The following MAML3 variants were observed in gnomAD, a reference collection of about 807,000 sequenced individuals.
MAML3 encodes the protein mastermind-like protein 3.
A neutral mutation model predicts 101.9 loss-of-function variants in MAML3; 27 were observed. The ratio of observed to expected loss-of-function variants is 0.27; its 90% CI spans 0.20 to 0.37. The LOEUF (loss-of-function observed/expected upper bound fraction) is 0.37. Ranked by LOEUF, MAML3 falls within the 10% of genes least tolerant of loss-of-function variation. The probability of loss-of-function intolerance (pLI) is 1.00; values close to 1 mark genes in which losing one functional copy is unlikely to be tolerated. For synonymous variants in MAML3, 501 were observed against 555.9 expected (o/e 0.90, Z 1.39); for missense variants, 1,316 against 1,444.9 (o/e 0.91, Z 1.45).
rs759384475 is a variant in MAML3 at position 139,889,756 on chromosome 4, G to T, written c.1680C>A (p.Asn560Lys). ...QNPIVPPMAN[N>K]LQKTTMNNYL... ...AGTTATTCATTGTTGTCTTCTGCAG[G>T]TTGTTTGCCATTGGAGGCACTATAG... Residue 560 changes from asparagine (N) to lysine (K), a missense_variant, in exon 2 of 5, where the codon AAC (asparagine) becomes AAA (lysine). By Grantham distance (94) the Asn-to-Lys change is moderately conservative. Transcript: ENST00000509479. 6 of 1,614,058 alleles carry T rather than the reference G, an allele frequency of 3.7e-6. No individual in the cohort carries two copies. The highest frequency in any genetic ancestry group is 5.1e-6 in the Non-Finnish European group (6 of 1,179,904).
chr4:139,716,982 C>T lies in MAML3; in HGVS notation c.*2341G>A, dbSNP rs1727997570. The T allele has an allele frequency of 6.6e-6, 1 of 152,518 alleles. No individual in the cohort carries two copies. The highest frequency in any genetic ancestry group is 1.9e-4 in the East Asian group (1 of 5,194). 9.4% of individuals were successfully genotyped at this position (152,518 alleles called of 1,614,324 possible). A position where few individuals can be genotyped will look rare whatever the true frequency, so the allele number is the denominator to read the frequency against. On this transcript the variant is annotated 3_prime_UTR_variant, in exon 5 of 5. Coordinates refer to ENST00000509479, the MANE Select transcript of MAML3 (RefSeq NM_018717.5). ...AGATGTCATCTGAAGTGCAATACCACTGCTGTGATGATGAGTTAAGGAATG... is the reference window on the plus strand; with the variant it reads ...AGATGTCATCTGAAGTGCAATACCATTGCTGTGATGATGAGTTAAGGAATG...
rs1727990508 is a variant in MAML3, at chr4:139,716,849, TAAAAG to T, written c.*2469_*2473del. On this transcript the variant is annotated 3_prime_UTR_variant, in exon 5 of 5. Coordinates refer to ENST00000509479, the MANE Select transcript of MAML3 (RefSeq NM_018717.5). ...ACATTTCAGCGTTCTGTACATTTCT[TAAAAG>T]GAAATAAGCAATGCTCAATGTACAA... 1 of 152,570 alleles carries T rather than the reference TAAAAG, an allele frequency of 6.6e-6. No homozygotes were observed. Among genetic ancestry groups the T allele is most frequent in the South Asian group, 2.1e-4 (1 of 4,834 alleles). 9.5% of individuals were successfully genotyped at this position (152,570 alleles called of 1,614,324 possible).
chr4:140,150,313 C>T (rs759694485), intron 1 of MAML3, among the ~76,000 whole-genome samples: 1 of 152,154 alleles, frequency 6.6e-6, no homozygotes, highest in Non-Finnish European at 1.5e-5. Context: ...CTGTCTTCTT[C>T]CCAGTAAGGT....
At chr4:139,750,382 G>A (rs1160698258) in intron 2 of MAML3, among the ~76,000 whole-genome samples, 2 of 152,208 alleles carry the variant, frequency 1.3e-5, no homozygotes, top group South Asian at 2.1e-4. Flanking sequence ...TGGGTCGTGA[G>A]TCCTCCTTCT....
chr4:139,961,324 C>A (rs968420209), intron 1 of MAML3, among the ~76,000 whole-genome samples: 3 of 152,224 alleles, frequency 2.0e-5, no homozygotes, highest in Admixed American at 1.3e-4. Flanking sequence ...AAATAGAGAA[C>A]AAATTATTCC....
chr4:139,730,738 CT>C, intron 2 of MAML3, 71 bp from the exon 3 acceptor site: 1 of 1,428,932 alleles, frequency 7.0e-7, no homozygotes, highest in Non-Finnish European at 9.6e-7. Flanking sequence ...AGGGAAGCCC[CT>C]GGAAAAAGGG....
rs77306128 is a variant in MAML3, at chr4:140,025,987, C to T, written c.468+126873G>A. On this transcript the variant is annotated intron_variant, in intron 1 of 4. Coordinates refer to ENST00000509479, the MANE Select transcript of MAML3 (RefSeq NM_018717.5). ...TGATCACTGTGGCTATGTCATAATG[C>T]ACATCCTTGTCTTTTACTCATTGGG... Among the ~76,000 whole-genome samples the T allele has an allele frequency of 3.2e-3, 494 of 152,274 alleles. 2 individuals carry two copies. The highest frequency in any genetic ancestry group is 0.01 in the African/African-American group (416 of 41,552).
chr4:139,874,438 T>A (rs1310573458), intron 2 of MAML3, among the ~76,000 whole-genome samples: 1 of 152,166 alleles, frequency 6.6e-6, no homozygotes, highest in Non-Finnish European at 1.5e-5. Context: ...CAGTTGGCTT[T>A]TAAAAGAGAA....
chr4:140,101,587 C>T (rs572689088), intron 1 of MAML3, among the ~76,000 whole-genome samples: 39 of 152,174 alleles, frequency 2.6e-4, no homozygotes, highest in Non-Finnish European at 5.0e-4. Context: ...CTTTTACCAT[C>T]CACATCTCTT....
chr4:139,994,114 G>T lies in MAML3; in HGVS notation c.469-103147C>A, dbSNP rs72933763. 4.8e-3 allele frequency among the ~76,000 whole-genome samples: 726 copies of T among 152,128 alleles called. 6 individuals carry two copies. The highest frequency in any genetic ancestry group is 0.016 in the African/African-American group (670 of 41,490). On this transcript the variant is annotated intron_variant, in intron 1 of 4. Coordinates refer to ENST00000509479, the MANE Select transcript of MAML3 (RefSeq NM_018717.5). Reference sequence around the variant, plus strand: ...TAGTTTTCTCCATTGTATTGTCTTGGCATCTTTGCTGAAAACCAACTGACC... The same window carrying T: ...TAGTTTTCTCCATTGTATTGTCTTGTCATCTTTGCTGAAAACCAACTGACC...
chr4:140,051,969 A>G (rs1000720785), intron 1 of MAML3, among the ~76,000 whole-genome samples: 11 of 152,032 alleles, frequency 7.2e-5, no homozygotes, highest in African/African-American at 2.4e-4. Flanking sequence ...TCTTACTGAT[A>G]CCTCACCCCT....
chr4:139,848,032 C>T (rs1731479070), intron 2 of MAML3, among the ~76,000 whole-genome samples: 1 of 152,038 alleles, frequency 6.6e-6, no homozygotes, highest in African/African-American at 2.4e-5. Context: ...TGTAAGCGAC[C>T]CTGGGGTGTG....
intron 1 of MAML3, among the ~76,000 whole-genome samples, chr4:140,089,022 A>G (rs75794517): frequency 0.017 from 2,563 of 152,258 alleles, 66 homozygotes; most frequent in African/African-American, 0.056. Context: ...TAAAACATCA[A>G]TGACAAGGAA....
intron 2 of MAML3, among the ~76,000 whole-genome samples, chr4:139,873,216 C>T (rs1251133793): frequency 6.6e-6 from 1 of 152,186 alleles, no homozygotes; most frequent in African/African-American, 2.4e-5. Flanking sequence ...GCTTTGATAT[C>T]AGGTCCAGGA....
chr4:139,914,659 CAGCT>C (rs1732995746), intron 1 of MAML3, among the ~76,000 whole-genome samples: 1 of 152,156 alleles, frequency 6.6e-6, no homozygotes, highest in Non-Finnish European at 1.5e-5. Flanking sequence ...CCACAACAAA[CAGCT>C]AGAACTAAAT....
intron 2 of MAML3, among the ~76,000 whole-genome samples, chr4:139,751,834 G>T (rs759341229): frequency 6.6e-6 from 1 of 152,148 alleles, no homozygotes; most frequent in South Asian, 2.1e-4. Flanking sequence ...CCTCTAATCC[G>T]CAAAGTATCC....
chr4:140,038,709 A>G (rs1727029272), intron 1 of MAML3, among the ~76,000 whole-genome samples: 1 of 152,230 alleles, frequency 6.6e-6, no homozygotes, highest in Admixed American at 6.5e-5. Context: ...GACAATAATT[A>G]AGAGTTAGTC....
At chr4:139,881,343 CG>C (rs1198452254) in intron 2 of MAML3, among the ~76,000 whole-genome samples, 1 of 152,134 alleles carries the variant, frequency 6.6e-6, no homozygotes. Flanking sequence ...TAGTAAGACA[CG>C]CCCCTCAGCA....
chr4:140,055,823 T>G (rs1234587601), intron 1 of MAML3, among the ~76,000 whole-genome samples: 3 of 151,862 alleles, frequency 2.0e-5, no homozygotes, highest in African/African-American at 7.3e-5. Flanking sequence ...CTGAAGGATT[T>G]ACACTGGTCA....
Sources: allele counts gnomAD v4.1 joint callset (sites outside exome capture counted in the v4.1 genomes callset), GRCh38; gene constraint gnomAD v4.1.1; transcripts MANE v1.5; gene names NCBI Gene and HGNC (gene_info 2026-07-23, HGNC 2026-07-21).